The following MAGI2 variants were observed in gnomAD, a reference collection of about 807,000 sequenced individuals.
The protein encoded by MAGI2 is membrane-associated guanylate kinase, WW and PDZ domain-containing protein 2.
MAGI2 carries 35 observed loss-of-function variants against 133.3 expected under a neutral mutation model. The ratio of observed to expected loss-of-function variants is 0.26; its 90% CI spans 0.20 to 0.35. The LOEUF (loss-of-function observed/expected upper bound fraction) is 0.35. Among genes scored for constraint, MAGI2 ranks in the 10% least tolerant of loss-of-function variants. The probability of loss-of-function intolerance (pLI) is 1.00; values close to 1 mark genes in which losing one functional copy is unlikely to be tolerated. For missense variants in MAGI2, 1,636 were observed against 1,863.4 expected, an observed-to-expected ratio of 0.88 and a Z score of 2.25; for synonymous variants, 729 against 710.6, an observed-to-expected ratio of 1.03 and a Z score of -0.41.
rs118152540 is a variant in MAGI2, at chr7:79,157,128, A to G, written c.302-149922T>C. On this transcript the variant is annotated intron_variant, in intron 1 of 21. Transcript: ENST00000354212. ...GCTTTTTCTCCAAAAATTAATCTCA[A>G]TTGGCTTGTCTGTGCGCATTTGCAT... is the stretch of plus-strand genomic sequence containing the variant. 1.7e-4 allele frequency among the ~76,000 whole-genome samples: 26 copies of G among 152,150 alleles called. No homozygotes were observed. The East Asian group carries it at 4.8e-3, about 28-fold the overall frequency.
intron 10 of MAGI2, among the ~76,000 whole-genome samples, chr7:78,219,220 A>G (rs1037221326): frequency 5.3e-5 from 8 of 152,134 alleles, no homozygotes; most frequent in African/African-American, 1.9e-4. Context: ...TTCTGTCTGC[A>G]GGAGAGGAAT....
At chr7:78,380,357 C>T (rs1320381421) in intron 6 of MAGI2, among the ~76,000 whole-genome samples, 3 of 151,984 alleles carry the variant, frequency 2.0e-5, no homozygotes, top group Non-Finnish European at 4.4e-5. Flanking sequence ...TGTCTATCAA[C>T]AGATGAATGA....
chr7:78,363,188 C>T (rs1490997675), intron 7 of MAGI2, among the ~76,000 whole-genome samples: 2 of 152,136 alleles, frequency 1.3e-5, no homozygotes, highest in Non-Finnish European at 2.9e-5. Context: ...TCTGCAGCTA[C>T]GGAATTGTTA....
At chr7:78,645,887 C>A (rs373694179) in intron 2 of MAGI2, among the ~76,000 whole-genome samples, 1 of 152,032 alleles carries the variant, frequency 6.6e-6, no homozygotes, top group Non-Finnish European at 1.5e-5. Flanking sequence ...CACAGTTGTG[C>A]ACCACCATGC....
At chr7:78,460,363 T>C (rs1789837580) in intron 6 of MAGI2, among the ~76,000 whole-genome samples, 1 of 152,172 alleles carries the variant, frequency 6.6e-6, no homozygotes, top group Non-Finnish European at 1.5e-5. Context: ...GGTTACTACA[T>C]TTGGTAAAAA....
chr7:78,846,032 T>C (rs1284331081), intron 2 of MAGI2, among the ~76,000 whole-genome samples: 1 of 151,942 alleles, frequency 6.6e-6, no homozygotes, highest in Non-Finnish European at 1.5e-5. Flanking sequence ...TTACAACAAA[T>C]CTTATTTACT....
At chr7:79,253,466 A>T (rs796118595) in intron 1 of MAGI2, among the ~76,000 whole-genome samples, 97 of 152,166 alleles carry the variant, frequency 6.4e-4, no homozygotes, top group African/African-American at 2.2e-3. Context: ...AACATGGTGA[A>T]ATCCTGTCTT....
intron 21 of MAGI2, among the ~76,000 whole-genome samples, chr7:78,023,703 C>G (rs1584863879): frequency 6.6e-6 from 1 of 152,178 alleles, no homozygotes; most frequent in Non-Finnish European, 1.5e-5. Flanking sequence ...TGAAACTGCT[C>G]TAGTCAAGGT....
intron 2 of MAGI2, among the ~76,000 whole-genome samples, chr7:78,836,580 T>C (rs571446792): frequency 1.3e-5 from 2 of 152,318 alleles, no homozygotes; most frequent in African/African-American, 2.4e-5. Context: ...TTAATATACA[T>C]CTTTCCATTT....
chr7:78,088,326 C>T (rs1816840645), intron 20 of MAGI2, among the ~76,000 whole-genome samples: 2 of 152,112 alleles, frequency 1.3e-5, no homozygotes, highest in South Asian at 2.1e-4. Context: ...TTTTTAGCAC[C>T]TTCTCTCCTC....
At chr7:78,281,766 C>G (rs1298723898) in intron 9 of MAGI2, among the ~76,000 whole-genome samples, 1 of 98,862 alleles carries the variant, frequency 1.0e-5, no homozygotes, top group Non-Finnish European at 2.3e-5. Flanking sequence ...GATATTTAAC[C>G]AACTTATCTC....
intron 2 of MAGI2, among the ~76,000 whole-genome samples, chr7:78,781,660 A>G (rs990828233): frequency 4.6e-5 from 7 of 152,186 alleles, no homozygotes; most frequent in African/African-American, 1.4e-4. Context: ...ATAGGACAAT[A>G]TATTTCTATG....
intron 3 of MAGI2, among the ~76,000 whole-genome samples, chr7:78,600,219 A>G (rs959880109): frequency 3.3e-5 from 5 of 152,156 alleles, no homozygotes; most frequent in African/African-American, 1.2e-4. Context: ...AAGCCCTACT[A>G]AAATGGTAAT....
At chr7:79,229,573 A>G (rs985620153) in intron 1 of MAGI2, among the ~76,000 whole-genome samples, 1 of 152,114 alleles carries the variant, frequency 6.6e-6, no homozygotes, top group Non-Finnish European at 1.5e-5. Flanking sequence ...CTTGAGAGTT[A>G]TTTCTACAGG....
Position 78,127,233 on chromosome 7 carries a change from G to C in MAGI2, c.3387C>G (p.Thr1129=), listed in dbSNP as rs370661193. 72 of 1,604,162 alleles carry C rather than the reference G, an allele frequency of 4.5e-5. No individual in the cohort carries two copies. The highest frequency in any genetic ancestry group is 6.0e-5 in the Non-Finnish European group (71 of 1,175,440). Residue 1129 remains threonine (T), a synonymous_variant, in exon 19 of 22, where the codon ACC becomes ACG. Transcript: ENST00000354212. ...LLDYRQHSPD[T]RQYPLSDYRQ... is the part of the protein sequence containing the mutation. ...TGTAGTCCGACAGAGGGTACTGCCT[G>C]GTGTCGGGGGAGTGCTGCCTGTAGT... is the stretch of plus-strand genomic sequence containing the variant.
chr7:78,935,584 T>A (rs1158999482), intron 2 of MAGI2, among the ~76,000 whole-genome samples: 1 of 152,132 alleles, frequency 6.6e-6, no homozygotes, highest in East Asian at 1.9e-4. Context: ...AATGTCTACC[T>A]ATAACAACTC....
Position 78,198,428 on chromosome 7 carries a change from GTTTTTTTTTT to G in MAGI2, c.2079+2724_2079+2733del, listed in dbSNP as rs398066996. Among the ~76,000 whole-genome samples, 11 of 97,494 alleles carry G rather than the reference GTTTTTTTTTT, an allele frequency of 1.1e-4. No individual in the cohort carries two copies. The Admixed American group carries it at 1.4e-3, about 12-fold the overall frequency. The allele number at this position is 97,494 out of a possible 152,430, so 64.0% of individuals were successfully genotyped here. A position where few individuals can be genotyped will look rare whatever the true frequency, so the allele number is the denominator to read the frequency against. ...GAACACTCTGTTCATGGCTGTGGCC[GTTTTTTTTTT>G]TTTTTTTTTTCGAGACATGGTCTCA... On this transcript the variant is annotated intron_variant, in intron 11 of 21. Transcript: ENST00000354212.
chr7:79,353,657 G>C, intron 1 of MAGI2: 5 of 362,212 alleles, frequency 1.4e-5, no homozygotes, highest in Non-Finnish European at 2.2e-5. Context: ...GTGAGCACGG[G>C]CATCACACTG....
At chr7:79,402,137 C>A (rs67627178) in intron 1 of MAGI2, among the ~76,000 whole-genome samples, 22,936 of 151,796 alleles carry the variant, frequency 0.15, 1,918 homozygotes, top group East Asian at 0.3. Flanking sequence ...CTTTTTAGTT[C>A]TTTTTTTAAG....
Sources: gnomAD v4.1 joint callset for allele counts (sites outside exome capture counted in the v4.1 genomes callset) on GRCh38, gnomAD v4.1.1 for gene constraint, MANE v1.5 for transcripts, NCBI Gene and HGNC (gene_info 2026-07-23, HGNC 2026-07-21) for gene names.